LGR6: variants seen among roughly 807,000 people sequenced by gnomAD.
The protein encoded by LGR6 is leucine rich repeat containing G protein-coupled receptor 6.
A neutral mutation model predicts 69.4 loss-of-function variants in LGR6; 45 were observed. The observed-to-expected ratio is 0.65, with a 90% CI of 0.51 to 0.83. The LOEUF is 0.83. Ranked by LOEUF, LGR6 falls within the 40% of genes least tolerant of loss-of-function variation. LGR6 has a pLI of 0.00. For synonymous variants in LGR6, 538 were observed against 555.0 expected, an observed-to-expected ratio of 0.97 and a Z score of 0.43; for missense variants, 1,108 against 1,246.7, an observed-to-expected ratio of 0.89 and a Z score of 1.68.
At chr1:202,280,922 G>A in intron 6 of LGR6, 70 bp downstream of exon 6, 1 of 1,408,998 alleles carries the variant, frequency 7.1e-7, no homozygotes, top group Non-Finnish European at 9.9e-7. Flanking sequence ...GGAGTGGAGG[G>A]AGCACACAGA....
intron 1 of LGR6, among the ~76,000 whole-genome samples, chr1:202,200,767 A>C (rs1303382027): frequency 4.6e-5 from 7 of 152,188 alleles, no homozygotes; most frequent in Non-Finnish European, 1.0e-4. Flanking sequence ...AGGTCCCAGG[A>C]GGAGAAAAAC....
At chr1:202,247,517 C>G (rs1467949183) in intron 4 of LGR6, among the ~76,000 whole-genome samples, 1 of 152,148 alleles carries the variant, frequency 6.6e-6, no homozygotes, top group South Asian at 2.1e-4. Context: ...TTTTGTACCC[C>G]CGCAGTCACT....
intron 4 of LGR6, among the ~76,000 whole-genome samples, chr1:202,273,246 G>T (rs2148149364): frequency 6.6e-6 from 1 of 152,266 alleles, no homozygotes; most frequent in South Asian, 2.1e-4. Context: ...TATTATTGGT[G>T]TCATGGTTGT....
At chr1:202,256,187 G>A (rs982180084) in intron 4 of LGR6, among the ~76,000 whole-genome samples, 1 of 151,946 alleles carries the variant, frequency 6.6e-6, no homozygotes, top group African/African-American at 2.4e-5. Flanking sequence ...ATGTTTTCAA[G>A]GTTCATCCAT....
chr1:202,250,043 C>T (rs6685457), intron 4 of LGR6, among the ~76,000 whole-genome samples: 57,210 of 152,128 alleles, frequency 0.38, 11,736 homozygotes, highest in African/African-American at 0.55. Context: ...ACCACTTCCC[C>T]TCCCACTCTA....
intron 4 of LGR6, among the ~76,000 whole-genome samples, chr1:202,255,538 G>GC (rs1367896179): frequency 6.6e-6 from 1 of 152,030 alleles, no homozygotes; most frequent in East Asian, 1.9e-4. Flanking sequence ...TCCCTTGCCG[G>GC]CCCCCCTTAG....
Position 202,225,423 on chromosome 1 carries a change from G to C in LGR6, c.213G>C (p.Leu71=). 6.2e-7 allele frequency: 1 copy of C among 1,613,700 alleles called. No individual in the cohort carries two copies. The highest frequency in any genetic ancestry group is 8.5e-7 in the Non-Finnish European group (1 of 1,179,662). ...CCTTTTTCCATCTTCTCTCCACCAGGGACCTCAGCATGAACAACCTCACAG... is the reference window on the plus strand; with the variant it reads ...CCTTTTTCCATCTTCTCTCCACCAGCGACCTCAGCATGAACAACCTCACAG... ...PGDLDPLTAY[L]DLSMNNLTEL... The change falls in exon 2 of 18, where the codon CTG becomes CTC. Residue 71 remains leucine, a splice_region_variant and synonymous_variant. Coordinates refer to ENST00000367278, the MANE Select transcript of LGR6 (RefSeq NM_001017403.2).
intron 1 of LGR6, among the ~76,000 whole-genome samples, chr1:202,216,048 A>G (rs1026418031): frequency 2.0e-5 from 3 of 152,226 alleles, no homozygotes; most frequent in African/African-American, 7.2e-5. Context: ...CTTTGAGGAC[A>G]GGGAGCATCT....
At chr1:202,214,650 A>G (rs527761703) in intron 1 of LGR6, among the ~76,000 whole-genome samples, 89 of 152,336 alleles carry the variant, frequency 5.8e-4, no homozygotes, top group African/African-American at 1.2e-3. Flanking sequence ...TTCATTTAAA[A>G]TGGGAATAAA....
intron 4 of LGR6, among the ~76,000 whole-genome samples, chr1:202,264,060 T>A (rs1235050738): frequency 6.6e-6 from 1 of 151,686 alleles, no homozygotes; most frequent in Non-Finnish European, 1.5e-5. Flanking sequence ...GATGGAGGGA[T>A]GTGGGGCCAG....
chr1:202,282,342 T>C (rs1441375208), intron 6 of LGR6, among the ~76,000 whole-genome samples: 4 of 152,170 alleles, frequency 2.6e-5, no homozygotes, highest in Non-Finnish European at 5.9e-5. Flanking sequence ...ACTCCCTCAG[T>C]TAGAGACAGA....
intron 4 of LGR6, among the ~76,000 whole-genome samples, chr1:202,276,026 G>C (rs1182488627): frequency 6.6e-6 from 1 of 152,176 alleles, no homozygotes; most frequent in Non-Finnish European, 1.5e-5. Context: ...GGTGGGAGGT[G>C]GAGGTTGCAG....
intron 8 of LGR6, 76 bp from the exon 9 acceptor site, chr1:202,301,088 G>C: frequency 6.9e-7 from 1 of 1,443,582 alleles, no homozygotes; most frequent in Non-Finnish European, 9.7e-7. Flanking sequence ...GATAGGAGAA[G>C]AAAGCAGAGA....
chr1:202,217,867 C>A (rs905923919), intron 1 of LGR6, among the ~76,000 whole-genome samples: 5 of 152,204 alleles, frequency 3.3e-5, no homozygotes, highest in Non-Finnish European at 7.3e-5. Flanking sequence ...GGACTCTGTG[C>A]AAAGCCAGAG....
chr1:202,317,025 T>C (rs1012949500), intron 17 of LGR6, among the ~76,000 whole-genome samples: 3 of 152,192 alleles, frequency 2.0e-5, no homozygotes, highest in Admixed American at 2.0e-4. Flanking sequence ...GTATTCAATG[T>C]GGTCTGTACC....
At chr1:202,303,611 A>G (rs1009911210) in intron 10 of LGR6, among the ~76,000 whole-genome samples, 5 of 152,184 alleles carry the variant, frequency 3.3e-5, no homozygotes, top group Non-Finnish European at 7.3e-5. Context: ...TAGAGCTCCT[A>G]ACCCCAAGCC....
chr1:202,297,680 C>A, intron 7 of LGR6, 104 bp downstream of exon 7: 1 of 893,318 alleles, frequency 1.1e-6, no homozygotes, highest in South Asian at 1.6e-5. Flanking sequence ...CTCCCATGGT[C>A]CTTATAAAAG....
intron 7 of LGR6, among the ~76,000 whole-genome samples, chr1:202,299,286 G>A (rs1036935981): frequency 6.6e-6 from 1 of 150,386 alleles, no homozygotes; most frequent in Non-Finnish European, 1.5e-5. Flanking sequence ...AAAAGTCTGA[G>A]TGAGAAACTA....
intron 1 of LGR6, among the ~76,000 whole-genome samples, chr1:202,222,178 G>A (rs1660204326): frequency 6.6e-6 from 1 of 152,140 alleles, no homozygotes; most frequent in Non-Finnish European, 1.5e-5. Flanking sequence ...CCCTTCCCCT[G>A]GCACCAGCCT....
Sources: gnomAD v4.1 joint callset for allele counts (sites outside exome capture counted in the v4.1 genomes callset) on GRCh38, gnomAD v4.1.1 for gene constraint, MANE v1.5 for transcripts, NCBI Gene and HGNC (gene_info 2026-07-23, HGNC 2026-07-21) for gene names.